KHDRBS1: variants seen among roughly 807,000 people sequenced by gnomAD.
The protein encoded by KHDRBS1 is KH domain-containing, RNA-binding, signal transduction-associated protein 1.
In KHDRBS1, 7 loss-of-function variants were observed where a neutral mutation model predicts 48.4. The ratio of observed to expected loss-of-function variants is 0.14; its 90% CI spans 0.08 to 0.27. The LOEUF (loss-of-function observed/expected upper bound fraction) is 0.27. KHDRBS1 is among the 10% of genes least tolerant of loss of function. The pLI is 1.00. For synonymous variants in KHDRBS1, 241 were observed against 235.8 expected (o/e 1.02, Z -0.20); for missense variants, 458 against 601.2 (o/e 0.76, Z 2.49).
At chr1:32,047,758 T>C (rs543821301), downstream of KHDRBS1, among the ~76,000 whole-genome samples, 2 of 152,322 alleles carry the variant, frequency 1.3e-5, no homozygotes, top group Non-Finnish European at 2.9e-5. Flanking sequence ...TGCAGTAGTT[T>C]TTAGTATATT....
chr1:32,045,744 G>A (rs948642033), downstream of KHDRBS1, among the ~76,000 whole-genome samples: 1 of 152,172 alleles, frequency 6.6e-6, no homozygotes, highest in African/African-American at 2.4e-5. Flanking sequence ...CAGTGCGAAG[G>A]ATAAAAAATC....
chr1:32,039,720 C>G (rs1569808205), intron 8 of KHDRBS1, 147 bp downstream of exon 8: 2 of 633,112 alleles, frequency 3.2e-6, no homozygotes, highest in East Asian at 2.7e-5. Context: ...AGTAAGAGTT[C>G]TGCTCTTGCT....
intron 3 of KHDRBS1, among the ~76,000 whole-genome samples, chr1:32,032,477 T>C (rs1639099918): frequency 6.6e-6 from 1 of 152,204 alleles, no homozygotes; most frequent in South Asian, 2.1e-4. Context: ...TATAAGCAGA[T>C]AAGCAGAGCT....
chr1:32,028,997 C>T (rs978805822), intron 1 of KHDRBS1, among the ~76,000 whole-genome samples: 3 of 152,162 alleles, frequency 2.0e-5, no homozygotes. Flanking sequence ...TCTATTGTAT[C>T]TCCTGTGCTT....
chr1:32,059,214 A>G (rs1639516611), intron 10 of KHDRBS1, among the ~76,000 whole-genome samples: 1 of 151,536 alleles, frequency 6.6e-6, no homozygotes, highest in African/African-American at 2.4e-5. Context: ...GAATGAACAT[A>G]TTAAGGCTCC....
At chr1:32,044,924 CTT>C (rs1239873127), downstream of KHDRBS1, among the ~76,000 whole-genome samples, 1 of 152,166 alleles carries the variant, frequency 6.6e-6, no homozygotes, top group Non-Finnish European at 1.5e-5. Context: ...AATGTTAAAA[CTT>C]TGCAAAACTT....
At position 32,039,325 on chromosome 1, in the gene KHDRBS1, G is replaced by T. The variant is rs553847970; in HGVS notation, c.1176-190G>T. ...GTGGTATCCATTTTTCTTTGCAATAGTTGTCAATTATTTTATAAGTACATA... is the reference window on the plus strand; with the variant it reads ...GTGGTATCCATTTTTCTTTGCAATATTTGTCAATTATTTTATAAGTACATA... On this transcript the variant is annotated intron_variant, in intron 7 of 8. Coordinates refer to ENST00000327300, the MANE Select transcript of KHDRBS1 (RefSeq NM_006559.3). Among the ~76,000 whole-genome samples, 3 of 152,220 alleles carry T rather than the reference G, an allele frequency of 2.0e-5. No individual in the cohort carries two copies. The South Asian group carries it at 6.2e-4, about 32-fold the overall frequency.
chr1:32,023,465 G>T lies in KHDRBS1; in HGVS notation c.383-6833G>T, dbSNP rs116159424. Among the ~76,000 whole-genome samples, 568 of 152,262 alleles carry T rather than the reference G, an allele frequency of 3.7e-3. 7 individuals carry two copies. The highest frequency in any genetic ancestry group is 0.013 in the African/African-American group (556 of 41,556). ...AATACAAAATTCCTGACGCATAGAA[G>T]GCATTGGATAAGATATGATTATTCT... On this transcript the variant is annotated intron_variant, in intron 1 of 8. Transcript: ENST00000327300.
At position 32,031,408 on chromosome 1, in the gene KHDRBS1, A is replaced by G; in HGVS notation, c.508-116A>G. The G allele has an allele frequency of 7.6e-6, 5 of 654,974 alleles. No individual in the cohort carries two copies. In the South Asian group the frequency reaches 9.7e-5, roughly 13 times the overall value. 40.6% of individuals were successfully genotyped at this position (654,974 alleles called of 1,614,324 possible). On this transcript the variant is annotated intron_variant, in intron 2 of 8. Coordinates refer to ENST00000327300, the MANE Select transcript of KHDRBS1 (RefSeq NM_006559.3). ...TATGGCTTCAGTGTCCTTCAGTAAA[A>G]TGGGAATGGTAATACTCTACCTTTG...
At chr1:32,029,880 G>A (rs1040983739) in intron 1 of KHDRBS1, among the ~76,000 whole-genome samples, 1 of 152,128 alleles carries the variant, frequency 6.6e-6, no homozygotes, top group African/African-American at 2.4e-5. Context: ...TAATGTCACC[G>A]TGGAACTTTA....
chr1:32,014,742 CTTTT>C (rs1036268518), intron 1 of KHDRBS1, among the ~76,000 whole-genome samples: 1 of 152,210 alleles, frequency 6.6e-6, no homozygotes, highest in African/African-American at 2.4e-5. Context: ...AAGGGAAACC[CTTTT>C]TGATCGCGGG....
rs538646516 is a variant in KHDRBS1 at position 32,017,656 on chromosome 1, G to A, written c.382+3279G>A. On this transcript the variant is annotated intron_variant, in intron 1 of 8. Coordinates refer to ENST00000327300, the MANE Select transcript of KHDRBS1 (RefSeq NM_006559.3). Reference sequence around the variant, plus strand: ...GAGTTGCACTTTTGTTGCCCAGGCTGGAGTGCAATGGCGCGATCTTGGCTC... The same window carrying A: ...GAGTTGCACTTTTGTTGCCCAGGCTAGAGTGCAATGGCGCGATCTTGGCTC... 1.0e-4 allele frequency among the ~76,000 whole-genome samples: 13 copies of A among 124,300 alleles called. No individual in the cohort carries two copies. In the South Asian group the frequency reaches 3.2e-3, roughly 31 times the overall value. The allele number at this position is 124,300 out of a possible 152,430, so 81.5% of individuals were successfully genotyped here.
At position 32,030,347 on chromosome 1, in the gene KHDRBS1, T is replaced by C; in HGVS notation, c.432T>C (p.Asn144=). The C allele has an allele frequency of 6.2e-7, 1 of 1,611,544 alleles. No individual in the cohort carries two copies. The highest frequency in any genetic ancestry group is 8.5e-7 in the Non-Finnish European group (1 of 1,178,138). ...KGDSKKDDEE[N]YLDLFSHKNM... is the part of the protein sequence containing the mutation. ...ACTCAAAAAAGGATGATGAGGAGAA[T>C]TACTTGGATTTATTTTCTCATAAGA... The change falls in exon 2 of 9, where the codon AAT becomes AAC. Residue 144 remains asparagine, a synonymous_variant. Transcript: ENST00000327300.
Position 32,013,871 on chromosome 1 carries a change from T to A in KHDRBS1, c.-125T>A, listed in dbSNP as rs995663670. Reference sequence around the variant, plus strand: ...GCCGCCTCATTTCCGGTGCTCTCTCTCGCTGGGTCGCTCGGGTCGGCTTCG... The same window carrying A: ...GCCGCCTCATTTCCGGTGCTCTCTCACGCTGGGTCGCTCGGGTCGGCTTCG... On this transcript the variant is annotated 5_prime_UTR_variant, in exon 1 of 9. Transcript: ENST00000327300. 5.1e-5 allele frequency: 48 copies of A among 934,332 alleles called. No homozygotes were observed. The South Asian group carries it at 8.7e-4, about 17-fold the overall frequency. The allele number at this position is 934,332 out of a possible 1,614,324, so 57.9% of individuals were successfully genotyped here. A position where few individuals can be genotyped will look rare whatever the true frequency, so the allele number is the denominator to read the frequency against.
At chr1:32,026,709 A>G (rs1003328716) in intron 1 of KHDRBS1, among the ~76,000 whole-genome samples, 11 of 152,232 alleles carry the variant, frequency 7.2e-5, no homozygotes, top group South Asian at 4.1e-4. Flanking sequence ...GGAAAGTGGT[A>G]TAAAATACAG....
At chr1:32,058,067 G>A (rs910545988) in intron 10 of KHDRBS1, among the ~76,000 whole-genome samples, 43 of 151,362 alleles carry the variant, frequency 2.8e-4, no homozygotes, top group African/African-American at 9.0e-4. Context: ...GGAGTGAGCC[G>A]AGATCGCACC....
Position 32,014,218 on chromosome 1 carries a change from G to T in KHDRBS1, c.223G>T (p.Asp75Tyr). Residue 75 changes from aspartate (D) to tyrosine (Y), a missense_variant, in exon 1 of 9, where the codon GAC becomes TAC. By Grantham distance (160) the Asp-to-Tyr change is radical. Coordinates refer to ENST00000327300, the MANE Select transcript of KHDRBS1 (RefSeq NM_006559.3). ...GCTGCCGCCCTCGGCCACGGGTCCC[G>T]ACGCGACAGTGGGCGGGCCAGCGCC... ...PLLPPSATGP[D>Y]ATVGGPAPTP... 6.8e-7 allele frequency: 1 copy of T among 1,472,042 alleles called. No homozygotes were observed. The highest frequency in any genetic ancestry group is 1.3e-5 in the South Asian group (1 of 75,158). The allele number at this position is 1,472,042 out of a possible 1,614,324, so 91.2% of individuals were successfully genotyped here.
At position 32,031,554 on chromosome 1, in the gene KHDRBS1, C is replaced by T. The variant is rs761314139; in HGVS notation, c.538C>T (p.Gln180Ter). The T allele has an allele frequency of 6.2e-7, 1 of 1,609,042 alleles. No individual in the cohort carries two copies. The highest frequency in any genetic ancestry group is 8.5e-7 in the Non-Finnish European group (1 of 1,178,364). Residue 180 changes from glutamine (Q) to a stop codon, truncating the protein, a stop_gained, in exon 3 of 9, where the codon CAA (glutamine) becomes TAA (stop). Transcript: ENST00000327300. LOFTEE classifies it high-confidence loss of function. ...TTTTGTGGGGAAGATTCTTGGACCA[C>T]AAGGGAATACAATCAAAAGACTGCA... ...FNFVGKILGP[Q>*]GNTIKRLQEE...
intron 10 of KHDRBS1, among the ~76,000 whole-genome samples, chr1:32,050,620 C>G (rs569310730): frequency 6.6e-6 from 1 of 151,726 alleles, no homozygotes; most frequent in East Asian, 2.0e-4. Context: ...TCAAGCAGTT[C>G]TCATGCTTCA....
Sources: allele counts gnomAD v4.1 joint callset (sites outside exome capture counted in the v4.1 genomes callset), GRCh38; gene constraint gnomAD v4.1.1; transcripts MANE v1.5; gene names NCBI Gene and HGNC (gene_info 2026-07-23, HGNC 2026-07-21).